ABCA13: variants seen among roughly 807,000 people sequenced by gnomAD.
The protein encoded by ABCA13 is ATP-binding cassette sub-family A member 13.
Under a neutral mutation model 478.7 loss-of-function variants are expected in ABCA13, and 476 were observed. The ratio of observed to expected loss-of-function variants is 0.99; its 90% confidence interval spans 0.92 to 1.07. The LOEUF (loss-of-function observed/expected upper bound fraction) is 1.07. Among genes scored for constraint, ABCA13 ranks in the 50% least tolerant of loss-of-function variants. The pLI is 0.00. For synonymous variants in ABCA13, 2,252 were observed against 2,158.9 expected, an observed-to-expected ratio of 1.04 and a Z score of -1.20; for missense variants, 6,060 against 5,910.6, an observed-to-expected ratio of 1.03 and a Z score of -0.83.
intron 1 of ABCA13, among the ~76,000 whole-genome samples, chr7:48,174,899 G>A (rs1794632852): frequency 6.6e-6 from 1 of 152,152 alleles, no homozygotes; most frequent in Admixed American, 6.5e-5. Context: ...ATTTCCTTAT[G>A]TTGAGGATTA....
At chr7:48,506,622 T>C (rs1831235386) in intron 49 of ABCA13, among the ~76,000 whole-genome samples, 2 of 152,206 alleles carry the variant, frequency 1.3e-5, no homozygotes, top group African/African-American at 4.8e-5. Context: ...GTCATGCAAC[T>C]GTACTTCTAA....
At chr7:48,261,121 G>C (rs984762038) in intron 15 of ABCA13, among the ~76,000 whole-genome samples, 1 of 151,786 alleles carries the variant, frequency 6.6e-6, no homozygotes, top group African/African-American at 2.4e-5. Context: ...GACTCTCTCT[G>C]TCTGAAATTT....
chr7:48,230,597 A>G (rs1788906752), intron 7 of ABCA13, among the ~76,000 whole-genome samples: 1 of 152,200 alleles, frequency 6.6e-6, no homozygotes, highest in Non-Finnish European at 1.5e-5. Context: ...TCATCTGTCC[A>G]TCCATCCACC....
chr7:48,411,049 TTTTCTTTC>T (rs745373350), intron 40 of ABCA13, among the ~76,000 whole-genome samples: 5 of 64,936 alleles, frequency 7.7e-5, no homozygotes, highest in Non-Finnish European at 1.1e-4. Context: ...CTTTCTTTCT[TTTTCTTTC>T]TTTCTTTCTT....
At position 48,278,817 on chromosome 7, in the gene ABCA13, A is replaced by T; in HGVS notation, c.7623A>T (p.Lys2541Asn). Residue 2541 changes from lysine (K) to asparagine (N), a missense_variant, in exon 18 of 62, where the codon AAA becomes AAT. Lys to Asn is a moderately conservative substitution (Grantham distance 94). Coordinates refer to ENST00000435803, the MANE Select transcript of ABCA13 (RefSeq NM_152701.5). Reference sequence around the variant, plus strand: ...CGGGGAAGATGTCCACAGTTTTTAAAACTCATTTTATCTCCAATACCAAGG... The same window carrying T: ...CGGGGAAGATGTCCACAGTTTTTAATACTCATTTTATCTCCAATACCAAGG... ...KVSGKMSTVF[K>N]THFISNTKDS... 1 of 1,613,866 alleles carries T rather than the reference A, an allele frequency of 6.2e-7. No homozygotes were observed. Among genetic ancestry groups the T allele is most frequent in the Non-Finnish European group, 8.5e-7 (1 of 1,179,892 alleles).
intron 55 of ABCA13, among the ~76,000 whole-genome samples, chr7:48,566,385 C>T (rs13237182): frequency 0.046 from 7,001 of 152,224 alleles, 166 homozygotes; most frequent in South Asian, 0.086. Flanking sequence ...TTATGACTTT[C>T]ACTGCTAGGT....
chr7:48,493,152 A>G (rs1829989508), intron 48 of ABCA13, among the ~76,000 whole-genome samples: 1 of 152,202 alleles, frequency 6.6e-6, no homozygotes, highest in Non-Finnish European at 1.5e-5. Context: ...TAAACACTTC[A>G]TGGAAGGTGT....
chr7:48,341,879 G>GAT (rs375857680), intron 29 of ABCA13, among the ~76,000 whole-genome samples: 17 of 31,334 alleles, frequency 5.4e-4, no homozygotes, highest in South Asian at 1.6e-3. Context: ...ATATCTTTCT[G>GAT]ATATATATAT....
intron 27 of ABCA13, among the ~76,000 whole-genome samples, chr7:48,331,732 C>G (rs919461645): frequency 6.6e-6 from 1 of 152,150 alleles, no homozygotes; most frequent in Non-Finnish European, 1.5e-5. Context: ...CACTTGTCTT[C>G]CAATTTCCCA....
chr7:48,246,724 A>C (rs1015714953), intron 13 of ABCA13, among the ~76,000 whole-genome samples: 1 of 152,186 alleles, frequency 6.6e-6, no homozygotes, highest in Non-Finnish European at 1.5e-5. Context: ...TGCATAATTC[A>C]ATCACCGATT....
At chr7:48,412,172 T>A (rs557749761) in intron 40 of ABCA13, among the ~76,000 whole-genome samples, 181 bp from the exon 41 acceptor site, 1 of 152,266 alleles carries the variant, frequency 6.6e-6, no homozygotes, top group South Asian at 2.1e-4. Context: ...TTATATTTTT[T>A]AAAAAGAAAG....
intron 58 of ABCA13, among the ~76,000 whole-genome samples, chr7:48,598,401 GT>G (rs1447541359): frequency 1.3e-5 from 2 of 152,138 alleles, no homozygotes; most frequent in Admixed American, 6.5e-5. Context: ...TCCGTGTGCA[GT>G]TTTTTGTGTG....
Position 48,495,776 on chromosome 7 carries a change from T to C in ABCA13, c.13291+6432T>C, listed in dbSNP as rs183393739. On this transcript the variant is annotated intron_variant, in intron 48 of 61. Transcript: ENST00000435803. ...TGTACACATTTGGCATGGTCACATA[T>C]TTCTGGTGGATTGAGCCTTTTATCA... Among the ~76,000 whole-genome samples, 34 of 152,254 alleles carry C rather than the reference T, an allele frequency of 2.2e-4. No individual in the cohort carries two copies. The East Asian group carries it at 6.2e-3, about 28-fold the overall frequency.
At chr7:48,487,714 C>G (rs1403452614) in intron 47 of ABCA13, among the ~76,000 whole-genome samples, 1 of 152,098 alleles carries the variant, frequency 6.6e-6, no homozygotes, top group Non-Finnish European at 1.5e-5. Flanking sequence ...CCAGATTAGC[C>G]TGTCCCTTAA....
intron 59 of ABCA13, among the ~76,000 whole-genome samples, chr7:48,620,093 T>C (rs965043006): frequency 2.0e-5 from 3 of 152,144 alleles, no homozygotes; most frequent in African/African-American, 7.2e-5. Flanking sequence ...TTAGCATCCA[T>C]GATGCAGTCA....
At chr7:48,189,971 G>C (rs1796875812) in intron 1 of ABCA13, among the ~76,000 whole-genome samples, 1 of 152,140 alleles carries the variant, frequency 6.6e-6, no homozygotes, top group African/African-American at 2.4e-5. Context: ...GAAGAACAGA[G>C]AGTTAATATG....
chr7:48,510,604 A>G (rs1412727756), intron 50 of ABCA13, among the ~76,000 whole-genome samples: 5 of 152,086 alleles, frequency 3.3e-5, no homozygotes, highest in Admixed American at 2.0e-4. Context: ...GGGTAGCTTC[A>G]CCCCGGAAAC....
chr7:48,603,115 T>C (rs1447578375), intron 58 of ABCA13, among the ~76,000 whole-genome samples: 1 of 152,128 alleles, frequency 6.6e-6, no homozygotes, highest in African/African-American at 2.4e-5. Flanking sequence ...CCTCTCAGCT[T>C]TAGGAGATTT....
Position 48,506,453 on chromosome 7 carries a change from T to C in ABCA13, c.13346+63T>C, listed in dbSNP as rs892219092. ...CTATGGAAGAAAATCTTTGTGTTAC[T>C]TAGGGATGACTTTGGTCTCTCTTTT... On this transcript the variant is annotated intron_variant, in intron 49 of 61. Transcript: ENST00000435803. 3 of 1,573,280 alleles carry C rather than the reference T, an allele frequency of 1.9e-6. No homozygotes were observed. In the African/African-American group the frequency reaches 4.1e-5, roughly 21 times the overall value.
Sources: gnomAD v4.1 joint callset for allele counts (sites outside exome capture counted in the v4.1 genomes callset) on GRCh38, gnomAD v4.1.1 for gene constraint, MANE v1.5 for transcripts, NCBI Gene and HGNC (gene_info 2026-07-23, HGNC 2026-07-21) for gene names.